Variants in MORF4L2 observed in about 807,000 individuals in gnomAD.
MORF4L2 encodes mortality factor 4 like 2.
In MORF4L2, 1 loss-of-function variant was observed where a neutral mutation model predicts 12.0. The ratio of observed to expected loss-of-function variants is 0.08; its 90% confidence interval spans 0.03 to 0.40. MORF4L2 has a LOEUF of 0.40. Ranked by LOEUF, MORF4L2 falls within the 10% of genes least tolerant of loss-of-function variation. The pLI, the probability that MORF4L2 is intolerant of heterozygous loss-of-function variation, is 0.98. For synonymous variants in MORF4L2, 69 were observed against 81.6 expected, an observed-to-expected ratio of 0.85 and a Z score of 0.83; for missense variants, 123 against 214.0, an observed-to-expected ratio of 0.57 and a Z score of 2.65.
chrX:103,676,302 C>T lies in MORF4L2; in HGVS notation c.726G>A (p.Thr242=), dbSNP rs1250441906. Residue 242 remains threonine (T), a synonymous_variant, in exon 4 of 4, where the codon ACG becomes ACA. Coordinates refer to ENST00000441076, the MANE Select transcript of MORF4L2 (RefSeq NM_012286.3). ...ATGCAAGGCTTTTCTCATCAAGGGG[C>T]GTATAGGCCAACATTGCTCCAATTC... is the stretch of plus-strand genomic sequence containing the variant. ...FVRIGAMLAY[T]PLDEKSLALL... 2 of 1,209,211 alleles carry T rather than the reference C, an allele frequency of 1.7e-6. No individual in the cohort carries two copies. The highest frequency in any genetic ancestry group is 1.8e-5 in the African/African-American group (1 of 56,974).
rs1299497771 is a variant in MORF4L2, at chrX:103,676,125, G to A, written c.*36C>T. The A allele has an allele frequency of 1.8e-6, 2 of 1,139,643 alleles. No individual in the cohort carries two copies. The highest frequency in any genetic ancestry group is 6.0e-5 in the Admixed American group (2 of 33,307). The allele number at this position is 1,139,643 out of a possible 1,213,427, so 93.9% of individuals were successfully genotyped here. ...AGACTAAGAACAAAAAGTGTTTACA[G>A]ATACAGGACAAAAATGGTGAGCTGT... On this transcript the variant is annotated 3_prime_UTR_variant, in exon 4 of 4. Coordinates refer to ENST00000441076, the MANE Select transcript of MORF4L2 (RefSeq NM_012286.3).
Position 103,676,830 on chromosome X carries a change from G to A in MORF4L2, c.198C>T (p.Asn66=). Residue 66 remains asparagine (N), a synonymous_variant, in exon 4 of 4, where the codon AAC becomes AAT. Coordinates refer to ENST00000441076, the MANE Select transcript of MORF4L2 (RefSeq NM_012286.3). ...TCTTCCTCACGGATCCTGAAGGGGG[G>A]TTCTCTGCAGAGCGACCACCCCATC... is the stretch of plus-strand genomic sequence containing the variant. ...PGRWGGRSAE[N]PPSGSVRKTR... is the part of the protein sequence containing the mutation. The A allele has an allele frequency of 1.7e-6, 2 of 1,207,083 alleles. No individual in the cohort carries two copies. Among genetic ancestry groups the A allele is most frequent in the Non-Finnish European group, 2.2e-6 (2 of 894,472 alleles).
intron 2 of MORF4L2, among the ~76,000 whole-genome samples, chrX:103,681,964 C>T (rs766503571): frequency 9.0e-6 from 1 of 110,963 alleles, no homozygotes; most frequent in Admixed American, 9.6e-5. Context: ...TCACCTCCCC[C>T]TCTCCCACCC....
chrX:103,676,107 G>A lies in MORF4L2; in HGVS notation c.*54C>T. 1 of 1,095,082 alleles carries A rather than the reference G, an allele frequency of 9.1e-7. No homozygotes were observed. Among genetic ancestry groups the A allele is most frequent in the Middle Eastern group, 2.5e-4 (1 of 3,922 alleles). 90.2% of individuals were successfully genotyped at this position (1,095,082 alleles called of 1,213,427 possible). On this transcript the variant is annotated 3_prime_UTR_variant, in exon 4 of 4. Transcript: ENST00000441076. ...ATCAATTTTACAAGAAAAAGACTAA[G>A]AACAAAAAGTGTTTACAGATACAGG...
At chrX:103,679,888 A>AAAGAG (rs1569409012) in intron 2 of MORF4L2, among the ~76,000 whole-genome samples, 4 of 107,184 alleles carry the variant, frequency 3.7e-5, no homozygotes. Flanking sequence ...AAAAAAAAGA[A>AAAGAG]AAGAAAAGAA....
Position 103,677,035 on chromosome X carries a change from T to C in MORF4L2, c.-8A>G. On this transcript the variant is annotated 5_prime_UTR_variant, in exon 4 of 4. Coordinates refer to ENST00000441076, the MANE Select transcript of MORF4L2 (RefSeq NM_012286.3). ...CTGCTTTCTGGAACTCATTCAACCC[T>C]GTTTTTATTCCAACCACTGTAATAT... is the stretch of plus-strand genomic sequence containing the variant. 1 of 1,170,030 alleles carries C rather than the reference T, an allele frequency of 8.5e-7. No individual in the cohort carries two copies. The highest frequency in any genetic ancestry group is 1.1e-6 in the Non-Finnish European group (1 of 879,613).
rs1445811565 is a variant in MORF4L2 at position 103,686,497 on chromosome X, T to G, written c.-268+134A>C. On this transcript the variant is annotated intron_variant, in intron 1 of 3. Coordinates refer to ENST00000441076, the MANE Select transcript of MORF4L2 (RefSeq NM_012286.3). Reference sequence around the variant, plus strand: ...CCGAGACACAGAAAGAACAGGAGCCTTGCCCAAGCTGGGCGTTGGCGAGCA... The same window carrying G: ...CCGAGACACAGAAAGAACAGGAGCCGTGCCCAAGCTGGGCGTTGGCGAGCA... 4.5e-5 allele frequency: 5 copies of G among 111,502 alleles called. No individual in the cohort carries two copies. The East Asian group carries it at 1.1e-3, about 25-fold the overall frequency. The allele number at this position is 111,502 out of a possible 1,213,427, so 9.2% of individuals were successfully genotyped here. A position where few individuals can be genotyped will look rare whatever the true frequency, so the allele number is the denominator to read the frequency against.
intron 2 of MORF4L2, among the ~76,000 whole-genome samples, chrX:103,683,229 C>T (rs1413739017): frequency 9.0e-6 from 1 of 111,580 alleles, no homozygotes; most frequent in African/African-American, 3.3e-5. Context: ...AGGCGCCCAC[C>T]TGTATTTTTA....
chrX:103,681,337 TTA>T (rs1491061348), intron 2 of MORF4L2, among the ~76,000 whole-genome samples: 1 of 111,940 alleles, frequency 8.9e-6, no homozygotes, highest in African/African-American at 3.2e-5. Context: ...CTATCAAATC[TTA>T]GATTTTTCCT....
Position 103,679,467 on chromosome X carries a change from T to C in MORF4L2, c.-177-816A>G, listed in dbSNP as rs1046098983. ...CCGAGAGGCAGAGGTTGCAGTGAGC[T>C]GAGATTGAGATCGTACCACTGCACT... On this transcript the variant is annotated intron_variant, in intron 2 of 3. Transcript: ENST00000441076. 2.8e-5 allele frequency among the ~76,000 whole-genome samples: 3 copies of C among 107,901 alleles called. No individual in the cohort carries two copies. The Admixed American group carries it at 3.0e-4, about 11-fold the overall frequency. 93.7% of individuals were successfully genotyped at this position (107,901 alleles called of 115,157 possible). A position where few individuals can be genotyped will look rare whatever the true frequency, so the allele number is the denominator to read the frequency against.
intron 3 of MORF4L2, among the ~76,000 whole-genome samples, chrX:103,677,367 G>C (rs2073870606): frequency 8.9e-6 from 1 of 112,098 alleles, no homozygotes; most frequent in Non-Finnish European, 1.9e-5. Context: ...ATAAAAGACA[G>C]TGGAGTTGAA....
intron 2 of MORF4L2, among the ~76,000 whole-genome samples, chrX:103,679,860 C>CA (rs1157909391): frequency 0.011 from 504 of 47,662 alleles, 12 homozygotes; most frequent in Non-Finnish European, 0.012. Context: ...CACCTGTGGG[C>CA]AAAAAAAAAA....
chrX:103,679,881 A>AAGAAAAG (rs61587477), intron 2 of MORF4L2, among the ~76,000 whole-genome samples: 2 of 48,996 alleles, frequency 4.1e-5, no homozygotes, highest in Non-Finnish European at 6.4e-5. Context: ...AAAAAAAAAA[A>AAGAAAAG]AAAAGAAAAG....
At position 103,677,009 on chromosome X, in the gene MORF4L2, C is replaced by G. The variant is rs768657149; in HGVS notation, c.19G>C (p.Gly7Arg). The change falls in exon 4 of 4, where the codon GGT becomes CGT. Residue 7 changes from glycine to arginine, a missense_variant. Gly to Arg is a moderately radical substitution (Grantham distance 125, BLOSUM62 -2). Coordinates refer to ENST00000441076, the MANE Select transcript of MORF4L2 (RefSeq NM_012286.3). MSSRKQ[G>R]SQPRGQQSAE... is the part of the protein sequence containing the mutation. Reference sequence around the variant, plus strand: ...GATTGCTGTCCACGAGGTTGAGAACCCTGCTTTCTGGAACTCATTCAACCC... The same window carrying G: ...GATTGCTGTCCACGAGGTTGAGAACGCTGCTTTCTGGAACTCATTCAACCC... The G allele has an allele frequency of 1.6e-5, 19 of 1,195,731 alleles. No homozygotes were observed. The highest frequency in any genetic ancestry group is 2.0e-5 in the Non-Finnish European group (18 of 890,459).
At chrX:103,683,245 G>C (rs1372140943) in intron 2 of MORF4L2, among the ~76,000 whole-genome samples, 1 of 111,063 alleles carries the variant, frequency 9.0e-6, no homozygotes, top group Non-Finnish European at 1.9e-5. Flanking sequence ...TTTTAGTAGA[G>C]ATGGGGTTTC....
chrX:103,677,846 G>A (rs1186734237), intron 3 of MORF4L2, among the ~76,000 whole-genome samples: 1 of 111,426 alleles, frequency 9.0e-6, no homozygotes, highest in Admixed American at 9.5e-5. Flanking sequence ...CACAAGAAAT[G>A]GTACATGACA....
intron 2 of MORF4L2, among the ~76,000 whole-genome samples, chrX:103,683,068 A>G (rs1337147725): frequency 9.1e-6 from 1 of 109,438 alleles, no homozygotes; most frequent in Non-Finnish European, 1.9e-5. Context: ...ATGATTTTTG[A>G]TTATTTAACT....
intron 2 of MORF4L2, among the ~76,000 whole-genome samples, chrX:103,683,317 A>T (rs1216169058): frequency 8.9e-6 from 1 of 112,111 alleles, no homozygotes; most frequent in Non-Finnish European, 1.9e-5. Flanking sequence ...GCGGCCTCCC[A>T]AAGTGCTGGG....
chrX:103,683,419 T>G (rs1008621687), intron 2 of MORF4L2, among the ~76,000 whole-genome samples: 2 of 112,613 alleles, frequency 1.8e-5, no homozygotes, highest in Non-Finnish European at 3.7e-5. Context: ...GTGGTATATC[T>G]GATAGTTCTC....
Sources: allele counts gnomAD v4.1 joint callset (sites outside exome capture counted in the v4.1 genomes callset), GRCh38; gene constraint gnomAD v4.1.1; transcripts MANE v1.5; gene names NCBI Gene and HGNC (gene_info 2026-07-23, HGNC 2026-07-21).